The following STX18 variants were observed in gnomAD, a reference collection of about 807,000 sequenced individuals.
STX18 encodes syntaxin-18.
A neutral mutation model predicts 50.1 loss-of-function variants in STX18; 40 were observed. The ratio of observed to expected loss-of-function variants is 0.80; its 90% CI spans 0.62 to 1.04. STX18 has a LOEUF of 1.04. STX18 is among the 50% of genes least tolerant of loss of function. The pLI, the probability that STX18 is intolerant of heterozygous loss-of-function variation, is 0.00. For missense variants in STX18, 410 were observed against 415.8 expected, an observed-to-expected ratio of 0.99 and a Z score of 0.12; for synonymous variants, 158 against 151.8, an observed-to-expected ratio of 1.04 and a Z score of -0.30.
rs1577385012 is a variant in STX18 at position 4,506,938 on chromosome 4, T to G, written c.168+34859A>C. 9 of 280,858 alleles carry G rather than the reference T, an allele frequency of 3.2e-5. No individual in the cohort carries two copies. In the East Asian group the frequency reaches 8.2e-4, roughly 26 times the overall value. The allele number at this position is 280,858 out of a possible 1,614,324, so 17.4% of individuals were successfully genotyped here. ...ATTAAACTGTGGATAACATGGGGGA[T>G]GGGACTATTGTACATAAAATGCTAA... On this transcript the variant is annotated intron_variant, in intron 1 of 10. Transcript: ENST00000306200.
rs962454971 is a variant in STX18 at position 4,532,115 on chromosome 4, C to A, written c.168+9682G>T. Among the ~76,000 whole-genome samples the A allele has an allele frequency of 5.3e-5, 8 of 152,230 alleles. No individual in the cohort carries two copies. In the East Asian group the frequency reaches 1.3e-3, roughly 26 times the overall value. On this transcript the variant is annotated intron_variant, in intron 1 of 10. Transcript: ENST00000306200. ...TGTTTTCTACAATACTGTTATGTAA[C>A]CCCTCTCTACTCCCCCAAGGAAGAG...
At chr4:4,476,775 G>A (rs953856597) in intron 1 of STX18, among the ~76,000 whole-genome samples, 4 of 152,176 alleles carry the variant, frequency 2.6e-5, no homozygotes, top group Non-Finnish European at 5.9e-5. Context: ...AAGACAGGGG[G>A]AGGTAACAGA....
chr4:4,447,870 C>A (rs1009692139), intron 5 of STX18, among the ~76,000 whole-genome samples: 1 of 152,068 alleles, frequency 6.6e-6, no homozygotes, highest in Non-Finnish European at 1.5e-5. Context: ...AAGATGCAGA[C>A]CGATGGAGGA....
chr4:4,500,641 C>T (rs1455185682), intron 1 of STX18, among the ~76,000 whole-genome samples: 1 of 152,178 alleles, frequency 6.6e-6, no homozygotes, highest in East Asian at 1.9e-4. Context: ...ATATGTAATT[C>T]CTGTATTCTA....
chr4:4,507,672 T>C (rs1371508992), intron 1 of STX18: 1 of 821,434 alleles, frequency 1.2e-6, no homozygotes, highest in Non-Finnish European at 2.2e-6. Context: ...AAGGTTCGTT[T>C]GGACAAAGCC....
At chr4:4,513,839 T>G (rs899146291) in intron 1 of STX18, among the ~76,000 whole-genome samples, 1 of 152,150 alleles carries the variant, frequency 6.6e-6, no homozygotes, top group African/African-American at 2.4e-5. Flanking sequence ...ATCATAAACT[T>G]CTATTTTTTT....
intron 1 of STX18, among the ~76,000 whole-genome samples, chr4:4,522,345 T>A (rs951951711): frequency 1.3e-5 from 2 of 152,178 alleles, no homozygotes; most frequent in Non-Finnish European, 2.9e-5. Flanking sequence ...AAAAACGTAA[T>A]GGAGTAATAG....
chr4:4,436,234 A>C (rs1414821945), intron 6 of STX18, among the ~76,000 whole-genome samples: 1 of 152,256 alleles, frequency 6.6e-6, no homozygotes, highest in Non-Finnish European at 1.5e-5. Context: ...ACTGCATGTC[A>C]TCCACAACTT....
At chr4:4,422,569 CAAAAAAAAAAAAAA>C (rs1725023810) in intron 9 of STX18, among the ~76,000 whole-genome samples, 1 of 107,652 alleles carries the variant, frequency 9.3e-6, no homozygotes. Context: ...ACTCTGTCTC[CAAAAAAAAAAAAAA>C]GAAAAAGAAA....
chr4:4,457,966 A>T (rs978248743), intron 3 of STX18, among the ~76,000 whole-genome samples: 11 of 152,176 alleles, frequency 7.2e-5, no homozygotes, highest in Admixed American at 6.5e-4. Context: ...TTCTGTCTCC[A>T]GGAAACCTAT....
At chr4:4,531,355 T>C (rs1310686594) in intron 1 of STX18, among the ~76,000 whole-genome samples, 1 of 152,240 alleles carries the variant, frequency 6.6e-6, no homozygotes, top group East Asian at 1.9e-4. Flanking sequence ...ATCTTCTGTA[T>C]CTGTCTACAA....
intron 2 of STX18, among the ~76,000 whole-genome samples, chr4:4,461,288 T>TA (rs1165380598): frequency 6.6e-6 from 1 of 152,126 alleles, no homozygotes; most frequent in Non-Finnish European, 1.5e-5. Flanking sequence ...ACCAAGGAAG[T>TA]TTTTTCTCCC....
intron 3 of STX18, among the ~76,000 whole-genome samples, chr4:4,459,089 C>CAA (rs1553837213): frequency 1.3e-5 from 2 of 150,108 alleles, no homozygotes; most frequent in African/African-American, 4.9e-5. Context: ...CACACACACA[C>CAA]AAATTTGTCT....
chr4:4,459,112 G>T (rs1470593248), intron 3 of STX18, among the ~76,000 whole-genome samples: 1 of 147,290 alleles, frequency 6.8e-6, no homozygotes, highest in Non-Finnish European at 1.5e-5. Context: ...ACTGCCCCTG[G>T]CCCCTAGATA....
At chr4:4,435,478 G>A (rs945014572) in intron 6 of STX18, among the ~76,000 whole-genome samples, 1 of 152,150 alleles carries the variant, frequency 6.6e-6, no homozygotes, top group African/African-American at 2.4e-5. Context: ...TTTTCACACA[G>A]ATATCAATAG....
At chr4:4,503,919 C>A (rs1024345365) in intron 1 of STX18, among the ~76,000 whole-genome samples, 1 of 151,914 alleles carries the variant, frequency 6.6e-6, no homozygotes, top group Non-Finnish European at 1.5e-5. Context: ...ATATCCTTTG[C>A]AATTATTTAA....
At chr4:4,499,992 C>T (rs1729361762) in intron 1 of STX18, among the ~76,000 whole-genome samples, 1 of 152,018 alleles carries the variant, frequency 6.6e-6, no homozygotes, top group South Asian at 2.1e-4. Flanking sequence ...AGAGGTGAGG[C>T]AGCTGTGTGT....
At chr4:4,477,049 T>A (rs1437497364) in intron 1 of STX18, among the ~76,000 whole-genome samples, 1 of 149,614 alleles carries the variant, frequency 6.7e-6, no homozygotes, top group South Asian at 2.1e-4. Flanking sequence ...AAAATACAAT[T>A]AAAAAAAACC....
intron 5 of STX18, among the ~76,000 whole-genome samples, chr4:4,442,478 G>A (rs375995761): frequency 3.9e-5 from 6 of 152,198 alleles, no homozygotes; most frequent in East Asian, 1.9e-4. Context: ...TTAGCCGGGC[G>A]TGGTGGCACG....
Sources: gnomAD v4.1 joint callset for allele counts (sites outside exome capture counted in the v4.1 genomes callset) on GRCh38, gnomAD v4.1.1 for gene constraint, MANE v1.5 for transcripts, NCBI Gene and HGNC (gene_info 2026-07-23, HGNC 2026-07-21) for gene names.